Variants in MEF2C observed in about 807,000 individuals in gnomAD.
The protein encoded by MEF2C is myocyte enhancer factor 2C.
In MEF2C, 6 loss-of-function variants were observed where a neutral mutation model predicts 50.5. The ratio of observed to expected loss-of-function variants is 0.12; its 90% CI spans 0.07 to 0.23. The LOEUF is 0.23. Among genes scored for constraint, MEF2C ranks in the 10% least tolerant of loss-of-function variants. MEF2C has a pLI of 1.00. For missense variants in MEF2C, 276 were observed against 605.0 expected, an observed-to-expected ratio of 0.46 and a Z score of 5.70; for synonymous variants, 183 against 228.0, an observed-to-expected ratio of 0.80 and a Z score of 1.78.
At chr5:88,826,557 C>T (rs1194438466) in intron 1 of MEF2C, among the ~76,000 whole-genome samples, 1 of 151,930 alleles carries the variant, frequency 6.6e-6, no homozygotes, top group African/African-American at 2.4e-5. Flanking sequence ...TTAGGAAGGT[C>T]AACAATAGCT....
chr5:88,742,607 C>T (rs1767360150), intron 6 of MEF2C: 1 of 985,226 alleles, frequency 1.0e-6, no homozygotes, highest in East Asian at 1.1e-4. Flanking sequence ...GAAGTTATAA[C>T]CTAAAATTTT....
chr5:88,764,077 T>C (rs945646051), intron 3 of MEF2C, among the ~76,000 whole-genome samples: 1 of 152,200 alleles, frequency 6.6e-6, no homozygotes, highest in African/African-American at 2.4e-5. Flanking sequence ...TTGTAAAAAT[T>C]ATAGTTGTTT....
At chr5:88,737,314 T>A in intron 6 of MEF2C, 1 of 985,424 alleles carries the variant, frequency 1.0e-6, no homozygotes, top group Non-Finnish European at 1.2e-6. Flanking sequence ...GGAAATCATG[T>A]AAGTGCCCAC....
At chr5:88,827,700 G>C (rs1811451212) in intron 1 of MEF2C, among the ~76,000 whole-genome samples, 1 of 151,914 alleles carries the variant, frequency 6.6e-6, no homozygotes, top group Admixed American at 6.6e-5. Context: ...ATATATCTCA[G>C]TTATTGTTTA....
In MEF2C at chr5:88,729,339, C is replaced by T. The variant is rs769918999; in HGVS notation, c.843G>A (p.Arg281=). 10 of 1,606,226 alleles carry T rather than the reference C, an allele frequency of 6.2e-6. No homozygotes were observed. In the South Asian group the frequency reaches 1.0e-4, roughly 16 times the overall value. Reference sequence around the variant, plus strand: ...ACTGAGCCGACTGGGAGTTATTTATCCTTTGATTCTTTTAAAATAAATAAA... The same window carrying T: ...ACTGAGCCGACTGGGAGTTATTTATTCTTTGATTCTTTTAAAATAAATAAA... ...SEDVDLLLNQ[R]INNSQSAQSL... is the part of the protein sequence containing the mutation. The change falls in exon 9 of 11, where the codon AGG becomes AGA. Residue 281 remains arginine, a synonymous_variant. Transcript: ENST00000504921.
chr5:88,718,328 C>T lies in MEF2C; in HGVS notation c.*4276G>A, dbSNP rs1247398692. 2.0e-5 allele frequency: 3 copies of T among 152,078 alleles called. No individual in the cohort carries two copies. Among genetic ancestry groups the T allele is most frequent in the South Asian group, 4.1e-4 (2 of 4,830 alleles). The allele number at this position is 152,078 out of a possible 1,614,324, so 9.4% of individuals were successfully genotyped here. A position where few individuals can be genotyped will look rare whatever the true frequency, so the allele number is the denominator to read the frequency against. ...AGCAGGAGAAACTTTTGAAAATTTC[C>T]CACTTTTATTCACTACAGACAGCTG... On this transcript the variant is annotated 3_prime_UTR_variant, in exon 11 of 11. Coordinates refer to ENST00000504921, the MANE Select transcript of MEF2C (RefSeq NM_002397.5).
chr5:88,732,009 A>T (rs755922277), intron 6 of MEF2C, 108 bp from the exon 7 acceptor site: 22 of 1,002,480 alleles, frequency 2.2e-5, no homozygotes, highest in Middle Eastern at 2.4e-4. Flanking sequence ...TAAGACGTAC[A>T]TTGCAAAACC....
At chr5:88,854,856 T>C (rs1333249323) in intron 1 of MEF2C, among the ~76,000 whole-genome samples, 1 of 152,228 alleles carries the variant, frequency 6.6e-6, no homozygotes, top group East Asian at 1.9e-4. Context: ...ATTTTTCTAC[T>C]GTGATATGAA....
At chr5:88,777,739 A>G (rs1785504646) in intron 3 of MEF2C, among the ~76,000 whole-genome samples, 1 of 152,134 alleles carries the variant, frequency 6.6e-6, no homozygotes, top group East Asian at 1.9e-4. Flanking sequence ...TTGCTATAAT[A>G]TCAACTGAAT....
At chr5:88,730,507 A>G (rs1760974245) in intron 7 of MEF2C, among the ~76,000 whole-genome samples, 1 of 152,148 alleles carries the variant, frequency 6.6e-6, no homozygotes, top group African/African-American at 2.4e-5. Flanking sequence ...AAGGAAAAAA[A>G]AAGACTGTGC....
At chr5:88,777,450 A>T (rs539787984) in intron 3 of MEF2C, among the ~76,000 whole-genome samples, 1 of 152,284 alleles carries the variant, frequency 6.6e-6, no homozygotes, top group Admixed American at 6.5e-5. Context: ...AACTTGCTGA[A>T]GTTTACAAAG....
intron 5 of MEF2C, 132 bp downstream of exon 5, chr5:88,751,725 G>A: frequency 1.8e-6 from 2 of 1,127,450 alleles, no homozygotes; most frequent in Middle Eastern, 2.6e-4. Flanking sequence ...ACCTAGCTCG[G>A]GGGTGGATGG....
At chr5:88,730,151 C>T in intron 8 of MEF2C, 60 bp downstream of exon 8, 1 of 1,529,188 alleles carries the variant, frequency 6.5e-7, no homozygotes, top group Non-Finnish European at 8.9e-7. Flanking sequence ...TCAAAGCTAC[C>T]ACCTCTACCT....
At chr5:88,783,322 C>T (rs111743064) in intron 3 of MEF2C, among the ~76,000 whole-genome samples, 2,437 of 152,184 alleles carry the variant, frequency 0.016, 19 homozygotes, top group Non-Finnish European at 0.023. Flanking sequence ...TATTTACAGA[C>T]GATGGGATTA....
At chr5:88,779,601 TTGTGTGTG>T (rs58856249) in intron 3 of MEF2C, among the ~76,000 whole-genome samples, 7 of 148,132 alleles carry the variant, frequency 4.7e-5, no homozygotes, top group South Asian at 2.1e-4. Flanking sequence ...TTGTGTAGGT[TTGTGTGTG>T]TGTGTGTGTG....
At chr5:88,887,911 G>T (rs1466541412), upstream of MEF2C, among the ~76,000 whole-genome samples, 4 of 152,174 alleles carry the variant, frequency 2.6e-5, no homozygotes, top group African/African-American at 9.7e-5. Flanking sequence ...TCAAGACAAG[G>T]TTTACACATA....
At chr5:88,844,499 A>C (rs1370534965) in intron 1 of MEF2C, 3 of 186,286 alleles carry the variant, frequency 1.6e-5, no homozygotes. Flanking sequence ...ATACACCTCG[A>C]AGTTTATTTC....
At chr5:88,831,262 A>AAATGTG (rs1382879824) in intron 1 of MEF2C, among the ~76,000 whole-genome samples, 5 of 152,072 alleles carry the variant, frequency 3.3e-5, no homozygotes. Flanking sequence ...TAGTCTGTCG[A>AAATGTG]AATGTGTAAA....
intron 2 of MEF2C, among the ~76,000 whole-genome samples, chr5:88,819,211 G>A (rs2153195228): frequency 6.6e-6 from 1 of 152,008 alleles, no homozygotes. Context: ...ATTGGGAAAA[G>A]TAATGACACA....
Sources: gnomAD v4.1 joint callset for allele counts (sites outside exome capture counted in the v4.1 genomes callset) on GRCh38, gnomAD v4.1.1 for gene constraint, MANE v1.5 for transcripts, NCBI Gene and HGNC (gene_info 2026-07-23, HGNC 2026-07-21) for gene names.